The following PIK3R3 variants were observed in gnomAD, a reference collection of about 807,000 sequenced individuals.
The protein encoded by PIK3R3 is phosphatidylinositol 3-kinase regulatory subunit gamma.
In PIK3R3, 64 loss-of-function variants were observed where a neutral mutation model predicts 62.9. The observed-to-expected ratio is 1.02, with a 90% CI of 0.83 to 1.25. PIK3R3 has a LOEUF of 1.25. Among genes scored for constraint, PIK3R3 ranks in the 50% most tolerant of loss-of-function variants. PIK3R3 has a pLI of 0.00. For synonymous variants in PIK3R3, 165 were observed against 189.0 expected (o/e 0.87, Z 1.04); for missense variants, 614 against 561.6 (o/e 1.09, Z -0.94).
intron 1 of PIK3R3, among the ~76,000 whole-genome samples, chr1:46,126,426 T>A (rs1557637050): frequency 6.6e-6 from 1 of 151,700 alleles, no homozygotes; most frequent in Non-Finnish European, 1.5e-5. Context: ...TAACCCCAGC[T>A]ACTCAGGTGG....
chr1:46,052,762 A>G (rs369390743), intron 7 of PIK3R3, among the ~76,000 whole-genome samples: 1 of 152,162 alleles, frequency 6.6e-6, no homozygotes. Context: ...CTGTATTTAA[A>G]CACTCAAGAA....
chr1:46,072,708 G>A (rs1445017707), intron 3 of PIK3R3, among the ~76,000 whole-genome samples: 1 of 152,044 alleles, frequency 6.6e-6, no homozygotes, highest in African/African-American at 2.4e-5. Context: ...CCCAGGACTG[G>A]GGAGGCCAAG....
At chr1:46,104,683 C>T (rs1209769814) in intron 1 of PIK3R3, among the ~76,000 whole-genome samples, 1 of 152,084 alleles carries the variant, frequency 6.6e-6, no homozygotes, top group Non-Finnish European at 1.5e-5. Flanking sequence ...AATCCCAGCA[C>T]TTTGGAAGGC....
intron 3 of PIK3R3, among the ~76,000 whole-genome samples, chr1:46,074,118 G>A (rs1438575224): frequency 4.0e-5 from 6 of 148,676 alleles, no homozygotes; most frequent in South Asian, 2.1e-4. Context: ...GTGAAACCCC[G>A]CCTCTACTAA....
chr1:46,115,601 T>G (rs550267078), intron 1 of PIK3R3, among the ~76,000 whole-genome samples: 22 of 152,292 alleles, frequency 1.4e-4, no homozygotes, highest in South Asian at 6.2e-4. Flanking sequence ...CCAGTCCCAG[T>G]TAGAGAGATA....
chr1:46,152,332 G>A, the PIK3R3 span, among the ~76,000 whole-genome samples: 3 of 151,384 alleles, frequency 2.0e-5, no homozygotes, highest in Non-Finnish European at 4.4e-5. Flanking sequence ...CCAGCCAAGA[G>A]CACTCTTTCC....
chr1:46,174,537 C>G, the PIK3R3 span, among the ~76,000 whole-genome samples: 1 of 152,168 alleles, frequency 6.6e-6, no homozygotes, highest in Non-Finnish European at 1.5e-5. Context: ...ACTCCCTTCC[C>G]TAGCCCCTTG....
chr1:46,107,553 T>TCAAAA (rs767831974), intron 1 of PIK3R3, among the ~76,000 whole-genome samples: 11 of 152,162 alleles, frequency 7.2e-5, no homozygotes, highest in South Asian at 2.1e-4. Context: ...AGACTCCATC[T>TCAAAA]CAAAACAAAA....
intron 1 of PIK3R3, among the ~76,000 whole-genome samples, chr1:46,108,359 G>C (rs1020726473): frequency 6.6e-6 from 1 of 152,110 alleles, no homozygotes; most frequent in Non-Finnish European, 1.5e-5. Flanking sequence ...ATCTCTGAAC[G>C]AGGAGGATCA....
In PIK3R3 at chr1:46,132,541, G is replaced by A; in HGVS notation, c.-589C>T. Reference sequence around the variant, plus strand: ...GCAGCCTCGGGAATGGGGCCGGCCGGAGAAGTCCAGTCAGCTCGGCTTGTC... The same window carrying A: ...GCAGCCTCGGGAATGGGGCCGGCCGAAGAAGTCCAGTCAGCTCGGCTTGTC... On this transcript the variant is annotated 5_prime_UTR_variant, in exon 1 of 10. Coordinates refer to ENST00000262741, the MANE Select transcript of PIK3R3 (RefSeq NM_003629.4). The A allele has an allele frequency of 7.9e-7, 1 of 1,260,546 alleles. No homozygotes were observed. The highest frequency in any genetic ancestry group is 1.0e-6 in the Non-Finnish European group (1 of 973,476). 78.1% of individuals were successfully genotyped at this position (1,260,546 alleles called of 1,614,324 possible).
chr1:46,087,314 T>TAA (rs112363497), intron 1 of PIK3R3, among the ~76,000 whole-genome samples: 2 of 139,746 alleles, frequency 1.4e-5, no homozygotes, highest in East Asian at 2.0e-4. Context: ...TTTTAGAATG[T>TAA]AAAAAAAAAA....
chr1:46,168,083 G>A, the PIK3R3 span, among the ~76,000 whole-genome samples: 10 of 152,002 alleles, frequency 6.6e-5, no homozygotes, highest in East Asian at 1.9e-4. Context: ...TCTGGGAGGC[G>A]GAAGTTGCAG....
At chr1:46,110,111 C>T (rs910306760) in intron 1 of PIK3R3, among the ~76,000 whole-genome samples, 1 of 146,890 alleles carries the variant, frequency 6.8e-6, no homozygotes, top group African/African-American at 2.5e-5. Context: ...GCCTCATCCA[C>T]TTTTTTTTTT....
rs190620055 is a variant in PIK3R3, at chr1:46,059,955, C to G, written c.764+1974G>C. On this transcript the variant is annotated intron_variant, in intron 6 of 9. Transcript: ENST00000262741. ...TCTCTACTAAAAATACAAAAATCAG[C>G]CGGGTGTGGTGGCATGCACCTATAA... Among the ~76,000 whole-genome samples the G allele has an allele frequency of 1.9e-3, 285 of 151,552 alleles. 1 individual carries two copies. The highest frequency in any genetic ancestry group is 6.8e-3 in the African/African-American group (279 of 41,284).
At chr1:46,156,059 C>A in the PIK3R3 span, among the ~76,000 whole-genome samples, 1 of 152,104 alleles carries the variant, frequency 6.6e-6, no homozygotes, top group African/African-American at 2.4e-5. Context: ...GTAAAATTTA[C>A]TTATATAAGT....
At chr1:46,108,458 CA>C (rs1001209666) in intron 1 of PIK3R3, among the ~76,000 whole-genome samples, 2 of 152,182 alleles carry the variant, frequency 1.3e-5, no homozygotes, top group African/African-American at 4.8e-5. Context: ...CATTCCACTA[CA>C]AATTTACAGT....
At chr1:46,117,116 A>T (rs943715854) in intron 1 of PIK3R3, among the ~76,000 whole-genome samples, 12 of 152,206 alleles carry the variant, frequency 7.9e-5, no homozygotes, top group Non-Finnish European at 1.8e-4. Context: ...ACATCAGGAA[A>T]TTTTCTTTTC....
At chr1:46,074,015 C>T (rs9429186) in intron 3 of PIK3R3, among the ~76,000 whole-genome samples, 100,161 of 148,468 alleles carry the variant, frequency 0.67, 34,003 homozygotes, top group Non-Finnish European at 0.71. Flanking sequence ...TTCAGCTGGG[C>T]GCGGTGGCTC....
intron 1 of PIK3R3, among the ~76,000 whole-genome samples, chr1:46,102,207 G>A (rs565354083): frequency 1.8e-4 from 28 of 151,908 alleles, no homozygotes; most frequent in African/African-American, 6.5e-4. Context: ...GGATGGTCTC[G>A]ATCTCCTGAC....
Sources: gnomAD v4.1 joint callset for allele counts (sites outside exome capture counted in the v4.1 genomes callset) on GRCh38, gnomAD v4.1.1 for gene constraint, MANE v1.5 for transcripts, NCBI Gene and HGNC (gene_info 2026-07-23, HGNC 2026-07-21) for gene names.